Variants in PTPRS observed in about 807,000 individuals in gnomAD.
The protein encoded by PTPRS is receptor-type tyrosine-protein phosphatase S.
In PTPRS, 63 loss-of-function variants were observed where a neutral mutation model predicts 215.3. The ratio of observed to expected loss-of-function variants is 0.29; its 90% CI spans 0.24 to 0.36. The LOEUF (loss-of-function observed/expected upper bound fraction) is 0.36. Ranked by LOEUF, PTPRS falls within the 10% of genes least tolerant of loss-of-function variation. The pLI, the probability that PTPRS is intolerant of heterozygous loss-of-function variation, is 1.00. For synonymous variants in PTPRS, 1,404 were observed against 1,191.4 expected (o/e 1.18, Z -3.68); for missense variants, 2,258 against 2,825.8 (o/e 0.80, Z 4.56).
At chr19:5,230,193 AAAG>A (rs1205972696) in intron 14 of PTPRS, among the ~76,000 whole-genome samples, 1 of 152,230 alleles carries the variant, frequency 6.6e-6, no homozygotes, top group African/African-American at 2.4e-5. Context: ...GGTTTGGCAT[AAAG>A]AAGAGCTGCT....
intron 1 of PTPRS, among the ~76,000 whole-genome samples, chr19:5,324,952 A>C (rs1413124181): frequency 6.6e-6 from 1 of 152,220 alleles, no homozygotes; most frequent in African/African-American, 2.4e-5. Context: ...CCCAAGGTTC[A>C]TGTTCTGCCA....
chr19:5,244,508 C>A lies in PTPRS; in HGVS notation c.989-26G>T. The stretch of plus-strand genomic sequence containing the variant: ...CTGTGGGCAGGAGGCAGCTGTGTCA[C>A]GCATTGGGCACATTGGTTGAGGACC... On this transcript the variant is annotated intron_variant, in intron 10 of 37. Transcript: ENST00000262963. The surrounding 1 kb of genome is among the most constrained non-coding windows in gnomAD (Gnocchi z 7.2). 1.3e-6 allele frequency: 2 copies of A among 1,587,878 alleles called. No homozygotes were observed. The highest frequency in any genetic ancestry group is 1.7e-6 in the Non-Finnish European group (2 of 1,161,132).
chr19:5,269,934 A>AAAG (rs2046762778), intron 4 of PTPRS, among the ~76,000 whole-genome samples: 1 of 151,318 alleles, frequency 6.6e-6, no homozygotes, highest in East Asian at 1.9e-4. Flanking sequence ...AAAAAAAAAA[A>AAAG]AAAAAAAAGA....
chr19:5,250,519 C>A (rs1353333948), intron 9 of PTPRS, among the ~76,000 whole-genome samples: 1 of 152,010 alleles, frequency 6.6e-6, no homozygotes, highest in Non-Finnish European at 1.5e-5. Flanking sequence ...AGGGTCCAGG[C>A]AGGTTATAAG....
chr19:5,220,172 T>G lies in PTPRS; in HGVS notation c.3550-18A>C, dbSNP rs765032847. On this transcript the variant is annotated intron_variant, in intron 21 of 37. Coordinates refer to ENST00000262963, the MANE Select transcript of PTPRS (RefSeq NM_002850.4). ...TGGATGAGCTGCGGGAACAGAGTCA[T>G]GGGTGGCTCAGAGCTCAGCTGGGAG... The G allele has an allele frequency of 1.2e-6, 2 of 1,609,968 alleles. No individual in the cohort carries two copies. The highest frequency in any genetic ancestry group is 1.3e-5 in the African/African-American group (1 of 74,962).
chr19:5,231,304 A>G lies in PTPRS; in HGVS notation c.2155+6T>C. The stretch of plus-strand genomic sequence containing the variant: ...GGGGGGTCCCGGGCCTGGGGCAGGT[A>G]CTTACCATCCTCGTCGGTGCGGACG... On this transcript the variant is annotated splice_donor_region_variant and intron_variant, in intron 14 of 37. Transcript: ENST00000262963. 1 of 1,599,926 alleles carries G rather than the reference A, an allele frequency of 6.3e-7. No homozygotes were observed. The highest frequency in any genetic ancestry group is 8.5e-7 in the Non-Finnish European group (1 of 1,176,416).
chr19:5,228,787 T>G (rs2042744400), intron 16 of PTPRS, among the ~76,000 whole-genome samples: 1 of 152,228 alleles, frequency 6.6e-6, no homozygotes, highest in Non-Finnish European at 1.5e-5. Flanking sequence ...TAAAGCATTG[T>G]GGGGTTGTAA....
intron 9 of PTPRS, among the ~76,000 whole-genome samples, chr19:5,251,535 G>A (rs1044791575): frequency 4.1e-5 from 6 of 145,094 alleles, no homozygotes; most frequent in Non-Finnish European, 6.0e-5. Context: ...CCCCAACCTC[G>A]CTGTGGCCGC....
At chr19:5,291,849 G>A (rs962553430) in intron 1 of PTPRS, among the ~76,000 whole-genome samples, 5 of 151,924 alleles carry the variant, frequency 3.3e-5, no homozygotes, top group Admixed American at 2.0e-4. Context: ...CTGCCAGCCC[G>A]GCCTCTGCTG....
intron 1 of PTPRS, among the ~76,000 whole-genome samples, chr19:5,306,395 T>C (rs2049495217): frequency 6.6e-6 from 1 of 152,134 alleles, no homozygotes; most frequent in Non-Finnish European, 1.5e-5. Flanking sequence ...TACGCTGGCC[T>C]CGGCCTCCCA....
chr19:5,311,458 T>C (rs1405240697), intron 1 of PTPRS, among the ~76,000 whole-genome samples: 2 of 152,166 alleles, frequency 1.3e-5, no homozygotes, highest in South Asian at 2.1e-4. Context: ...GATGGAGCTC[T>C]AGGCCCCCAG....
chr19:5,220,466 A>G (rs2041882738), intron 20 of PTPRS, 113 bp from the exon 21 acceptor site: 2 of 899,130 alleles, frequency 2.2e-6, no homozygotes, highest in East Asian at 2.6e-5. Context: ...CTGTTCATAC[A>G]ATGAGCCTAT....
Position 5,252,277 on chromosome 19 carries a change from G to A in PTPRS, c.718+3831C>T, listed in dbSNP as rs984837121. 6.6e-5 allele frequency among the ~76,000 whole-genome samples: 10 copies of A among 152,096 alleles called. No individual in the cohort carries two copies. In the East Asian group the frequency reaches 1.7e-3, roughly 26 times the overall value. On this transcript the variant is annotated intron_variant, in intron 9 of 37. Coordinates refer to ENST00000262963, the MANE Select transcript of PTPRS (RefSeq NM_002850.4). Reference sequence around the variant, plus strand: ...TGAAGATATCCTCAGACCCTTCAAGGTAGAACATTGCTCAACCGGCAGGGC... The same window carrying A: ...TGAAGATATCCTCAGACCCTTCAAGATAGAACATTGCTCAACCGGCAGGGC...
At chr19:5,329,597 C>A (rs2050260458) in intron 1 of PTPRS, among the ~76,000 whole-genome samples, 1 of 151,846 alleles carries the variant, frequency 6.6e-6, no homozygotes, top group South Asian at 2.1e-4. Flanking sequence ...AACTCTGTCT[C>A]TACTAAAAAT....
rs768527095 is a variant in PTPRS at position 5,211,626 on chromosome 19, G to A, written c.5198C>T (p.Ser1733Phe). The part of the protein sequence containing the change: ...CLQPIRGVEG[S>F]DYINASFIDG... The stretch of plus-strand genomic sequence containing the variant: ...AATGAAGCTGGCGTTGATGTAGTCA[G>A]AGCCCTCCACACCCCGGATGGGTTG... The change falls in exon 33 of 38, where the codon TCT becomes TTT. Residue 1733 changes from serine (S) to phenylalanine (F), a missense_variant. Around this residue, in one of 6 missense-constraint regions of PTPRS, gnomAD observed 927 missense variants for 1,125.9 expected, o/e 0.82. Coordinates refer to ENST00000262963, the MANE Select transcript of PTPRS (RefSeq NM_002850.4). 6.2e-7 allele frequency: 1 copy of A among 1,613,564 alleles called. No homozygotes were observed. The highest frequency in any genetic ancestry group is 8.5e-7 in the Non-Finnish European group (1 of 1,179,530).
chr19:5,262,941 C>A, intron 6 of PTPRS, 23 bp downstream of exon 6: 1 of 1,577,992 alleles, frequency 6.3e-7, no homozygotes, highest in Non-Finnish European at 8.6e-7. Flanking sequence ...TAGTTGTTGA[C>A]GTGGTGATGA....
intron 14 of PTPRS, among the ~76,000 whole-genome samples, chr19:5,230,243 T>C (rs2042905017): frequency 6.6e-6 from 1 of 152,222 alleles, no homozygotes; most frequent in South Asian, 2.1e-4. Context: ...AATGGGGCTG[T>C]CCAACGAAAC....
At chr19:5,329,062 T>C (rs2050245762) in intron 1 of PTPRS, among the ~76,000 whole-genome samples, 1 of 151,634 alleles carries the variant, frequency 6.6e-6, no homozygotes, top group South Asian at 2.1e-4. Context: ...CCTAAAGGGG[T>C]TGCAGACAGA....
chr19:5,240,264 G>A lies in PTPRS; in HGVS notation c.1639C>T (p.Pro547Ser). 5.6e-6 allele frequency: 9 copies of A among 1,593,486 alleles called. No homozygotes were observed. Among genetic ancestry groups the A allele is most frequent in the South Asian group, 1.1e-5 (1 of 87,128 alleles). The change falls in exon 12 of 38, where the codon CCC (proline) becomes TCC (serine). Residue 547 changes from proline (P) to serine (S), a missense_variant. This residue lies in a region of PTPRS where 508 missense variants were observed against 799.4 expected (regional missense o/e 0.64). Transcript: ENST00000262963. ...SETSITLSWS[P>S]PRQESIIKYE... ...TTGATGATACTCTCCTGCCGCGGGG[G>A]GCTCCAGGACAGCGTGATGCTGGTC...
Sources: allele counts gnomAD v4.1 joint callset (sites outside exome capture counted in the v4.1 genomes callset), GRCh38; gene constraint gnomAD v4.1.1; regional missense constraint gnomAD v4.1.1; non-coding constraint Gnocchi (gnomAD v3.1); transcripts MANE v1.5; gene names NCBI Gene and HGNC (gene_info 2026-07-23, HGNC 2026-07-21).